FMN1: variants seen among roughly 807,000 people sequenced by gnomAD.
The protein encoded by FMN1 is formin 1.
A neutral mutation model predicts 132.4 loss-of-function variants in FMN1; 110 were observed. That is an observed-to-expected ratio of 0.83 (90% confidence interval 0.71 to 0.97). FMN1 has a LOEUF of 0.97. FMN1 is among the 50% of genes least tolerant of loss of function. The probability of loss-of-function intolerance (pLI) is 0.00; values close to 1 mark genes in which losing one functional copy is unlikely to be tolerated. For synonymous variants in FMN1, 722 were observed against 651.7 expected (o/e 1.11, Z -1.64); for missense variants, 1,792 against 1,705.3 (o/e 1.05, Z -0.90).
intron 16 of FMN1, among the ~76,000 whole-genome samples, chr15:32,868,863 T>A (rs528752265): frequency 6.6e-6 from 1 of 152,168 alleles, no homozygotes; most frequent in Non-Finnish European, 1.5e-5. Context: ...TGAGACCTAC[T>A]GGTCATTTCT....
At chr15:32,900,267 A>T (rs780171992) in intron 13 of FMN1, 142 bp from the exon 14 acceptor site, 2 of 834,036 alleles carry the variant, frequency 2.4e-6, no homozygotes, top group African/African-American at 3.4e-5. Context: ...AATGAAAAAC[A>T]CACTTTACTA....
At chr15:32,861,216 C>A (rs1294233431) in intron 16 of FMN1, among the ~76,000 whole-genome samples, 1 of 152,164 alleles carries the variant, frequency 6.6e-6, no homozygotes, top group East Asian at 1.9e-4. Flanking sequence ...TAATCGAACG[C>A]CTGACAATAA....
At chr15:32,842,453 T>G (rs571629156) in intron 17 of FMN1, among the ~76,000 whole-genome samples, 1 of 152,344 alleles carries the variant, frequency 6.6e-6, no homozygotes, top group Non-Finnish European at 1.5e-5. Context: ...CATACATTGT[T>G]GTAGCCTACT....
intron 9 of FMN1, among the ~76,000 whole-genome samples, chr15:32,929,622 T>TA (rs1314713124): frequency 2.0e-5 from 3 of 152,234 alleles, no homozygotes; most frequent in Non-Finnish European, 2.9e-5. Context: ...ACCACCATTC[T>TA]ACTTTCCATT....
intron 6 of FMN1, among the ~76,000 whole-genome samples, chr15:33,054,535 G>A (rs987562965): frequency 6.6e-6 from 1 of 152,178 alleles, no homozygotes; most frequent in African/African-American, 2.4e-5. Flanking sequence ...TAACAATGTT[G>A]CATCCATCTA....
Position 32,828,372 on chromosome 15 carries a change from T to C in FMN1, c.3929-24040A>G, listed in dbSNP as rs887672693. Among the ~76,000 whole-genome samples the C allele has an allele frequency of 3.9e-5, 6 of 152,256 alleles. No individual in the cohort carries two copies. In the East Asian group the frequency reaches 7.7e-4, roughly 20 times the overall value. ...AGCCCAATATGGTTCATCCTTTCTGTAGTGCAGAATGTCAGAATTTCTTCT... is the reference window on the plus strand; with the variant it reads ...AGCCCAATATGGTTCATCCTTTCTGCAGTGCAGAATGTCAGAATTTCTTCT... On this transcript the variant is annotated intron_variant, in intron 17 of 20. Coordinates refer to ENST00000616417, the MANE Select transcript of FMN1 (RefSeq NM_001277313.2).
Position 33,154,451 on chromosome 15 carries a change from C to T in FMN1, c.464G>A (p.Gly155Glu). Reference protein sequence around the residue: ...VGPLNKRSTHGNKKPRRSSGR... With the variant: ...VGPLNKRSTHENKKPRRSSGR... Reference sequence around the variant, plus strand: ...ACTAGACCTCCGAGGCTTTTTGTTCCCGTGGGTGCTCCTCTTATTGAGAGG... The same window carrying T: ...ACTAGACCTCCGAGGCTTTTTGTTCTCGTGGGTGCTCCTCTTATTGAGAGG... The change falls in exon 4 of 21, where the codon GGG becomes GAG. Residue 155 changes from glycine to glutamate, a missense_variant. By Grantham distance (98) the Gly-to-Glu change is moderately conservative. This residue lies in a region of FMN1 where 638 missense variants were observed against 645.2 expected (regional missense o/e 0.99). Coordinates refer to ENST00000616417, the MANE Select transcript of FMN1 (RefSeq NM_001277313.2). 3 of 1,536,084 alleles carry T rather than the reference C, an allele frequency of 2.0e-6. No individual in the cohort carries two copies. The highest frequency in any genetic ancestry group is 2.6e-6 in the Non-Finnish European group (3 of 1,146,908).
intron 6 of FMN1, among the ~76,000 whole-genome samples, chr15:33,023,161 G>C (rs1465522843): frequency 6.7e-6 from 1 of 149,862 alleles, no homozygotes; most frequent in African/African-American, 2.5e-5. Context: ...CCTCAGGCTA[G>C]TGAACCCAAT....
At chr15:32,914,486 T>C (rs559428455) in intron 10 of FMN1, among the ~76,000 whole-genome samples, 5 of 152,294 alleles carry the variant, frequency 3.3e-5, no homozygotes, top group Non-Finnish European at 5.9e-5. Context: ...ACTCCAAACA[T>C]AGTTTGGGGT....
chr15:32,859,203 A>C (rs1021394768), intron 16 of FMN1, among the ~76,000 whole-genome samples: 8 of 152,226 alleles, frequency 5.3e-5, no homozygotes, highest in African/African-American at 1.9e-4. Context: ...TCTAGTCTCT[A>C]TAAATTGTAA....
intron 15 of FMN1, among the ~76,000 whole-genome samples, chr15:32,896,254 T>C (rs887580441): frequency 3.3e-5 from 5 of 152,126 alleles, no homozygotes; most frequent in South Asian, 4.1e-4. Flanking sequence ...CTATAATATA[T>C]TAGAATATAT....
chr15:33,115,498 C>CACACA (rs1555402880), intron 4 of FMN1, among the ~76,000 whole-genome samples: 7 of 144,466 alleles, frequency 4.8e-5, no homozygotes, highest in African/African-American at 1.6e-4. Context: ...TAAGCCCCCC[C>CACACA]CCCCCACACA....
chr15:33,042,778 C>CT (rs5811727), intron 6 of FMN1, among the ~76,000 whole-genome samples: 28,519 of 149,666 alleles, frequency 0.19, 3,198 homozygotes, highest in South Asian at 0.25. Context: ...AACCCCCCAA[C>CT]TTTTTTTTTT....
At chr15:32,981,683 G>C (rs1180239522) in intron 7 of FMN1, among the ~76,000 whole-genome samples, 1 of 151,822 alleles carries the variant, frequency 6.6e-6, no homozygotes, top group African/African-American at 2.4e-5. Flanking sequence ...CCTTGGATTA[G>C]GCAGAGTTCT....
At chr15:33,126,794 T>G (rs528651607) in intron 4 of FMN1, among the ~76,000 whole-genome samples, 3 of 152,294 alleles carry the variant, frequency 2.0e-5, no homozygotes, top group African/African-American at 7.2e-5. Flanking sequence ...TGCAGGGCCA[T>G]GAAACCCGAA....
chr15:32,839,965 C>T (rs143775763), intron 17 of FMN1, among the ~76,000 whole-genome samples: 69 of 152,264 alleles, frequency 4.5e-4, no homozygotes, highest in African/African-American at 1.5e-3. Flanking sequence ...GACCAATTTC[C>T]GATTTTTCCC....
At chr15:32,866,234 AAAG>A (rs1486799663) in intron 16 of FMN1, among the ~76,000 whole-genome samples, 34 of 132,316 alleles carry the variant, frequency 2.6e-4, no homozygotes, top group African/African-American at 9.9e-4. Flanking sequence ...TAATAAAAAA[AAAG>A]AAAAAAGAAA....
chr15:33,056,143 C>A (rs1011774719), intron 6 of FMN1, among the ~76,000 whole-genome samples: 1 of 152,210 alleles, frequency 6.6e-6, no homozygotes, highest in Non-Finnish European at 1.5e-5. Context: ...TGTTTAGCAT[C>A]ATCTGCTGAC....
At chr15:33,057,864 C>A (rs2037290318) in intron 6 of FMN1, among the ~76,000 whole-genome samples, 1 of 152,128 alleles carries the variant, frequency 6.6e-6, no homozygotes, top group Non-Finnish European at 1.5e-5. Context: ...TACAATTTCC[C>A]ATCTGGTTTC....
Sources: gnomAD v4.1 joint callset for allele counts (sites outside exome capture counted in the v4.1 genomes callset) on GRCh38, gnomAD v4.1.1 for gene constraint, gnomAD v4.1.1 regional missense constraint, MANE v1.5 for transcripts, NCBI Gene and HGNC (gene_info 2026-07-23, HGNC 2026-07-21) for gene names.